GAS2: variants seen among roughly 807,000 people sequenced by gnomAD.
GAS2 encodes the protein growth arrest specific 2.
In GAS2, 20 loss-of-function variants were observed where a neutral mutation model predicts 37.5. The ratio of observed to expected loss-of-function variants is 0.53; its 90% CI spans 0.37 to 0.77. The LOEUF is 0.77. Among genes scored for constraint, GAS2 ranks in the 30% least tolerant of loss-of-function variants. The pLI, the probability that GAS2 is intolerant of heterozygous loss-of-function variation, is 0.00. For synonymous variants in GAS2, 144 were observed against 132.2 expected, an observed-to-expected ratio of 1.09 and a Z score of -0.61; for missense variants, 336 against 373.4, an observed-to-expected ratio of 0.90 and a Z score of 0.82.
At position 22,745,787 on chromosome 11, in the gene GAS2, A is replaced by G. The variant is rs572686151; in HGVS notation, c.474-3333A>G. Among the ~76,000 whole-genome samples, 116 of 152,280 alleles carry G rather than the reference A, an allele frequency of 7.6e-4. 3 individuals are homozygous for G. In the South Asian group the frequency reaches 0.022, roughly 29 times the overall value. On this transcript the variant is annotated intron_variant, in intron 5 of 7. Coordinates refer to ENST00000454584, the MANE Select transcript of GAS2 (RefSeq NM_001143830.3). ...CATCATTAAAATTTGGGCAAAAGAC[A>G]TGAACAGACACTTAAAAAAACATAC...
intron 3 of GAS2, among the ~76,000 whole-genome samples, chr11:22,704,012 C>A (rs772641132): frequency 2.0e-5 from 3 of 152,070 alleles, no homozygotes; most frequent in Non-Finnish European, 2.9e-5. Flanking sequence ...AAAATCCCAG[C>A]TCAATCAAAA....
chr11:22,665,938 C>T (rs1848977541), upstream of GAS2, among the ~76,000 whole-genome samples: 1 of 152,172 alleles, frequency 6.6e-6, no homozygotes, highest in Non-Finnish European at 1.5e-5. Flanking sequence ...ATACATGAAA[C>T]TGATGAACAT....
chr11:22,649,090 C>G (rs1286305297), intron 1 of GAS2, among the ~76,000 whole-genome samples: 1 of 152,088 alleles, frequency 6.6e-6, no homozygotes, highest in African/African-American at 2.4e-5. Context: ...AAATACGTCC[C>G]ATCAATACCT....
intron 7 of GAS2, among the ~76,000 whole-genome samples, chr11:22,808,497 A>T (rs1856998215): frequency 6.6e-6 from 1 of 152,254 alleles, no homozygotes. Flanking sequence ...TTTGCAAAGT[A>T]CTATGGATTC....
intron 5 of GAS2, among the ~76,000 whole-genome samples, chr11:22,747,262 A>G (rs4348904): frequency 0.93 from 140,762 of 152,158 alleles, 66,065 homozygotes; most frequent in East Asian, 1. Flanking sequence ...GATCTTATGT[A>G]AGATGCTTGT....
At chr11:22,718,257 T>C (rs1655280599) in intron 3 of GAS2, among the ~76,000 whole-genome samples, 3 of 151,764 alleles carry the variant, frequency 2.0e-5, no homozygotes, top group Non-Finnish European at 4.4e-5. Context: ...AGAAAATGTG[T>C]CATATATATA....
intron 7 of GAS2, among the ~76,000 whole-genome samples, chr11:22,757,405 T>A (rs142107538): frequency 1.2e-4 from 18 of 152,250 alleles, no homozygotes; most frequent in African/African-American, 4.3e-4. Flanking sequence ...GAAATTGAGA[T>A]TTGCTGTACT....
chr11:22,645,380 C>A (rs943589126), intron 1 of GAS2, among the ~76,000 whole-genome samples: 1 of 151,916 alleles, frequency 6.6e-6, no homozygotes, highest in East Asian at 1.9e-4. Context: ...TGGTAGCATG[C>A]GCCTGTAGCC....
At chr11:22,788,041 G>T (rs11026789) in intron 7 of GAS2, among the ~76,000 whole-genome samples, 3,029 of 152,208 alleles carry the variant, frequency 0.02, 56 homozygotes, top group East Asian at 0.061. Context: ...AACATGAAAT[G>T]GTGTGCGTTT....
At chr11:22,721,011 G>T (rs1851921979) in intron 3 of GAS2, among the ~76,000 whole-genome samples, 1 of 152,150 alleles carries the variant, frequency 6.6e-6, no homozygotes, top group East Asian at 1.9e-4. Flanking sequence ...ACAGTTGAAA[G>T]TGTAGGAGCA....
At chr11:22,702,701 C>T (rs1850910235) in intron 3 of GAS2, 1 of 152,140 alleles carries the variant, frequency 6.6e-6, no homozygotes, top group Non-Finnish European at 1.5e-5. Context: ...AAAGCCATTT[C>T]CCCAATCTTA....
chr11:22,740,218 T>G (rs145172902), intron 5 of GAS2, among the ~76,000 whole-genome samples: 2,105 of 152,272 alleles, frequency 0.014, 57 homozygotes, highest in African/African-American at 0.048. Context: ...ATTATGTGAA[T>G]AGTTCCTCCC....
chr11:22,674,877 C>G lies in GAS2; in HGVS notation c.8C>G (p.Thr3Ser). 1 of 1,605,542 alleles carries G rather than the reference C, an allele frequency of 6.2e-7. No individual in the cohort carries two copies. The highest frequency in any genetic ancestry group is 8.5e-7 in the Non-Finnish European group (1 of 1,176,770). ...ATTACAAGTGGATAAATAATGTGCA[C>G]TGCTCTGAGCCCAAAGGTACGCAGT... is the stretch of plus-strand genomic sequence containing the variant. MC[T>S]ALSPKVRSGP... Residue 3 changes from threonine to serine, a missense_variant, in exon 2 of 8, where the codon ACT becomes AGT. Physicochemically the swap from Thr to Ser is moderately conservative, Grantham distance 58. Transcript: ENST00000454584.
chr11:22,790,906 G>C (rs1241841774), intron 7 of GAS2, among the ~76,000 whole-genome samples: 1 of 151,864 alleles, frequency 6.6e-6, no homozygotes, highest in Non-Finnish European at 1.5e-5. Flanking sequence ...CCTGTTTTTT[G>C]CTTCAGAGTG....
At chr11:22,641,244 ATATATATATATCTT>A (rs1374918102) in intron 1 of GAS2, among the ~76,000 whole-genome samples, 11 of 143,492 alleles carry the variant, frequency 7.7e-5, no homozygotes, top group African/African-American at 2.8e-4. Flanking sequence ...ATATATGTGT[ATATATATATATCTT>A]TATATATATA....
At chr11:22,661,900 C>G (rs963756918), upstream of GAS2, among the ~76,000 whole-genome samples, 18 of 152,032 alleles carry the variant, frequency 1.2e-4, no homozygotes, top group Admixed American at 1.2e-3. Flanking sequence ...TTTAGCAGCT[C>G]TCTAATAGCA....
At chr11:22,766,754 T>C (rs2134403219) in intron 7 of GAS2, among the ~76,000 whole-genome samples, 1 of 152,326 alleles carries the variant, frequency 6.6e-6, no homozygotes, top group South Asian at 2.1e-4. Flanking sequence ...AACAAAAATT[T>C]ATTCTAGGAA....
chr11:22,789,689 T>C (rs1183652947), intron 7 of GAS2, among the ~76,000 whole-genome samples: 2 of 151,088 alleles, frequency 1.3e-5, no homozygotes, highest in African/African-American at 2.4e-5. Flanking sequence ...ATGGTCGCGA[T>C]CTCCTGACCT....
At chr11:22,653,439 T>C (rs752577340) in intron 1 of GAS2, among the ~76,000 whole-genome samples, 1 of 152,178 alleles carries the variant, frequency 6.6e-6, no homozygotes, top group Non-Finnish European at 1.5e-5. Flanking sequence ...CATTAGCAAG[T>C]ATCAAAATAG....
Sources: gnomAD v4.1 joint callset for allele counts (sites outside exome capture counted in the v4.1 genomes callset) on GRCh38, gnomAD v4.1.1 for gene constraint, MANE v1.5 for transcripts, NCBI Gene and HGNC (gene_info 2026-07-23, HGNC 2026-07-21) for gene names.